Variants in PCSK2 observed in about 807,000 individuals in gnomAD.
PCSK2 encodes the protein proprotein convertase subtilisin/kexin type 2.
In PCSK2, 14 loss-of-function variants were observed where a neutral mutation model predicts 69.7. That is an observed-to-expected ratio of 0.20 (90% CI 0.13 to 0.31). The LOEUF (loss-of-function observed/expected upper bound fraction) is 0.31. Among genes scored for constraint, PCSK2 ranks in the 10% least tolerant of loss-of-function variants. The pLI is 1.00. For missense variants in PCSK2, 544 were observed against 842.5 expected, an observed-to-expected ratio of 0.65 and a Z score of 4.39; for synonymous variants, 307 against 320.7, an observed-to-expected ratio of 0.96 and a Z score of 0.46.
At chr20:17,391,447 G>A (rs760761778) in intron 5 of PCSK2, among the ~76,000 whole-genome samples, 47 of 152,142 alleles carry the variant, frequency 3.1e-4, no homozygotes, top group Non-Finnish European at 5.7e-4. Flanking sequence ...CCTATGACTT[G>A]AACATTTGCT....
intron 2 of PCSK2, among the ~76,000 whole-genome samples, chr20:17,354,751 C>T (rs2030136134): frequency 6.6e-6 from 1 of 151,920 alleles, no homozygotes; most frequent in Non-Finnish European, 1.5e-5. Flanking sequence ...TATTACAATT[C>T]TTATGGTAGG....
chr20:17,467,025 A>G (rs1373696017), intron 11 of PCSK2, among the ~76,000 whole-genome samples: 1 of 152,196 alleles, frequency 6.6e-6, no homozygotes, highest in African/African-American at 2.4e-5. Flanking sequence ...ATGGTGGTAA[A>G]ATTCATTCCC....
At chr20:17,289,422 G>C (rs1209474427) in intron 2 of PCSK2, among the ~76,000 whole-genome samples, 1 of 152,080 alleles carries the variant, frequency 6.6e-6, no homozygotes, top group African/African-American at 2.4e-5. Context: ...TAATGGGAGA[G>C]GTTCTGTGGA....
At chr20:17,238,412 T>C (rs1276609458) in intron 1 of PCSK2, among the ~76,000 whole-genome samples, 3 of 152,170 alleles carry the variant, frequency 2.0e-5, no homozygotes, top group African/African-American at 7.2e-5. Flanking sequence ...ATTATGAAAT[T>C]ACAGCCTTTC....
chr20:17,232,123 A>T (rs1433115082), intron 1 of PCSK2, among the ~76,000 whole-genome samples: 3 of 152,216 alleles, frequency 2.0e-5, no homozygotes, highest in African/African-American at 7.2e-5. Context: ...CAGAAGTGAA[A>T]TCTATCATCT....
At chr20:17,311,684 G>A (rs4814603) in intron 2 of PCSK2, among the ~76,000 whole-genome samples, 52,586 of 151,976 alleles carry the variant, frequency 0.35, 9,586 homozygotes, top group East Asian at 0.57. Context: ...TACATCTTGT[G>A]ATCCTAGTAC....
intron 2 of PCSK2, among the ~76,000 whole-genome samples, chr20:17,333,917 A>ATATATATATATATG (rs1198828108): frequency 1.2e-5 from 1 of 82,126 alleles, no homozygotes; most frequent in African/African-American, 3.5e-5. Flanking sequence ...CTGCATATAT[A>ATATATATATATATG]TATATATATA....
intron 2 of PCSK2, among the ~76,000 whole-genome samples, chr20:17,329,089 C>T (rs1414622672): frequency 6.6e-6 from 1 of 152,126 alleles, no homozygotes; most frequent in African/African-American, 2.4e-5. Context: ...AATTAAAATA[C>T]CAAACACAGT....
intron 2 of PCSK2, among the ~76,000 whole-genome samples, chr20:17,285,636 GCAGA>G (rs1220083774): frequency 6.6e-6 from 1 of 152,226 alleles, no homozygotes; most frequent in Non-Finnish European, 1.5e-5. Context: ...GCAGGCAACT[GCAGA>G]CAGATTGGCC....
chr20:17,259,737 C>T (rs1460915537), intron 1 of PCSK2, among the ~76,000 whole-genome samples: 1 of 152,184 alleles, frequency 6.6e-6, no homozygotes, highest in Non-Finnish European at 1.5e-5. Context: ...TCACACTGTG[C>T]TCAGCCTGAT....
At chr20:17,242,592 T>C (rs1475559578) in intron 1 of PCSK2, among the ~76,000 whole-genome samples, 2 of 152,236 alleles carry the variant, frequency 1.3e-5, no homozygotes, top group African/African-American at 2.4e-5. Flanking sequence ...ACAAACTGTT[T>C]TAGCAATTGG....
At chr20:17,327,424 A>C (rs894774787) in intron 2 of PCSK2, among the ~76,000 whole-genome samples, 1 of 152,260 alleles carries the variant, frequency 6.6e-6, no homozygotes, top group African/African-American at 2.4e-5. Flanking sequence ...GCCTAACTGT[A>C]AGTCTCGTGA....
At chr20:17,295,550 A>T (rs527855691) in intron 2 of PCSK2, among the ~76,000 whole-genome samples, 25 of 145,524 alleles carry the variant, frequency 1.7e-4, no homozygotes, top group South Asian at 4.3e-4. Context: ...TATATTATAT[A>T]TATTTATTTA....
chr20:17,260,696 G>T (rs960092390), intron 2 of PCSK2, among the ~76,000 whole-genome samples: 1 of 152,096 alleles, frequency 6.6e-6, no homozygotes, highest in African/African-American at 2.4e-5. Context: ...GTCATTTTAC[G>T]GAAGGTTTCT....
intron 1 of PCSK2, among the ~76,000 whole-genome samples, chr20:17,248,251 C>G (rs8121977): frequency 2.0e-5 from 3 of 151,246 alleles, no homozygotes; most frequent in African/African-American, 7.3e-5. Flanking sequence ...ATACTAAATG[C>G]CCGCAGTATG....
At chr20:17,231,884 C>T (rs1307497245) in intron 1 of PCSK2, among the ~76,000 whole-genome samples, 1 of 152,120 alleles carries the variant, frequency 6.6e-6, no homozygotes, top group Non-Finnish European at 1.5e-5. Context: ...TTGCTGGCTG[C>T]TGGGCCAGGA....
intron 1 of PCSK2, among the ~76,000 whole-genome samples, chr20:17,247,798 C>G (rs1201724118): frequency 6.6e-6 from 1 of 152,184 alleles, no homozygotes; most frequent in Non-Finnish European, 1.5e-5. Context: ...GAAATAGGCT[C>G]CATGAGAATT....
rs1985946432 is a variant in PCSK2 at position 17,227,179 on chromosome 20, C to A, written c.-127C>A. 3.1e-6 allele frequency: 2 copies of A among 640,270 alleles called. No homozygotes were observed. The highest frequency in any genetic ancestry group is 2.7e-6 in the Non-Finnish European group (1 of 370,514). 39.7% of individuals were successfully genotyped at this position (640,270 alleles called of 1,614,324 possible). A position where few individuals can be genotyped will look rare whatever the true frequency, so the allele number is the denominator to read the frequency against. ...GCTGCTTTCCAAGACCCTGTTCAGTCTCTTTCTCTATACAAAGATTTTTTT... is the reference window on the plus strand; with the variant it reads ...GCTGCTTTCCAAGACCCTGTTCAGTATCTTTCTCTATACAAAGATTTTTTT... On this transcript the variant is annotated 5_prime_UTR_variant, in exon 1 of 12. Transcript: ENST00000262545.
intron 8 of PCSK2, among the ~76,000 whole-genome samples, chr20:17,446,547 C>T (rs1274950058): frequency 6.6e-6 from 1 of 152,156 alleles, no homozygotes; most frequent in Non-Finnish European, 1.5e-5. Context: ...CAATATTTAG[C>T]AAGCAGCAGC....
Sources: gnomAD v4.1 joint callset for allele counts (sites outside exome capture counted in the v4.1 genomes callset) on GRCh38, gnomAD v4.1.1 for gene constraint, MANE v1.5 for transcripts, NCBI Gene and HGNC (gene_info 2026-07-23, HGNC 2026-07-21) for gene names.